Variants in GATAD2B observed in about 807,000 individuals in gnomAD.
GATAD2B encodes the protein GATA zinc finger domain containing 2B.
GATAD2B carries 8 observed loss-of-function variants against 64.3 expected under a neutral mutation model. That is an observed-to-expected ratio of 0.12 (90% CI 0.07 to 0.22). GATAD2B has a LOEUF of 0.22. GATAD2B is among the 10% of genes least tolerant of loss of function. The probability of loss-of-function intolerance (pLI) is 1.00; values close to 1 mark genes in which losing one functional copy is unlikely to be tolerated. For missense variants in GATAD2B, 453 were observed against 752.0 expected, an observed-to-expected ratio of 0.60 and a Z score of 4.65; for synonymous variants, 281 against 271.3, an observed-to-expected ratio of 1.04 and a Z score of -0.35.
chr1:153,847,796 A>G (rs958343570), intron 1 of GATAD2B, among the ~76,000 whole-genome samples: 9 of 151,728 alleles, frequency 5.9e-5, no homozygotes, highest in African/African-American at 2.2e-4. Flanking sequence ...TCTTTTTTTC[A>G]TATTTTCCAT....
chr1:153,917,049 A>AC (rs571648459), intron 1 of GATAD2B, among the ~76,000 whole-genome samples: 44 of 147,462 alleles, frequency 3.0e-4, no homozygotes, highest in South Asian at 2.8e-3. Flanking sequence ...CTCGTGATCT[A>AC]CCCCCCTCGG....
At chr1:153,915,741 TA>T (rs56236211) in intron 1 of GATAD2B, among the ~76,000 whole-genome samples, 45,045 of 98,462 alleles carry the variant, frequency 0.46, 7,688 homozygotes, top group East Asian at 0.71. Context: ...CTTGTCTATA[TA>T]AAAAAAAAAA....
intron 10 of GATAD2B, among the ~76,000 whole-genome samples, chr1:153,811,193 G>A (rs745416165): frequency 6.6e-6 from 1 of 152,162 alleles, no homozygotes; most frequent in African/African-American, 2.4e-5. Context: ...GAGCCACCGC[G>A]CCCTGCACAG....
At chr1:153,880,652 T>C (rs1334515309) in intron 1 of GATAD2B, among the ~76,000 whole-genome samples, 2 of 151,732 alleles carry the variant, frequency 1.3e-5, no homozygotes, top group Admixed American at 1.3e-4. Context: ...CCCACCAGCC[T>C]GGACAACACA....
intron 2 of GATAD2B, among the ~76,000 whole-genome samples, chr1:153,827,245 CAAAAA>C (rs545259062): frequency 2.0e-5 from 1 of 49,360 alleles, no homozygotes; most frequent in Non-Finnish European, 4.0e-5. Flanking sequence ...GACCTTGCCT[CAAAAA>C]AAAAAAAAAA....
At chr1:153,876,323 T>C (rs541504191) in intron 1 of GATAD2B, among the ~76,000 whole-genome samples, 2 of 149,142 alleles carry the variant, frequency 1.3e-5, no homozygotes, top group South Asian at 4.3e-4. Flanking sequence ...CCTGAGTCAA[T>C]GTCCTTAACC....
At chr1:153,878,416 G>A (rs1255905342) in intron 1 of GATAD2B, among the ~76,000 whole-genome samples, 2 of 152,024 alleles carry the variant, frequency 1.3e-5, no homozygotes, top group Admixed American at 6.6e-5. Flanking sequence ...GTGAGCCACT[G>A]TGACCAGCTC....
chr1:153,820,106 A>T (rs1674626522), intron 2 of GATAD2B, among the ~76,000 whole-genome samples: 1 of 136,736 alleles, frequency 7.3e-6, no homozygotes. Context: ...CTCAAAAAAA[A>T]AAAAAAAAAA....
At position 153,840,981 on chromosome 1, in the gene GATAD2B, C is replaced by T. The variant is rs186164656; in HGVS notation, c.-1-12633G>A. 5.3e-3 allele frequency among the ~76,000 whole-genome samples: 812 copies of T among 151,822 alleles called. 30 individuals are homozygous for T. The highest frequency in any genetic ancestry group is 0.05 in the Admixed American group (767 of 15,234). ...TCTACTAAAAATAGAAAAAGTTAGC[C>T]GGGCGTGGTGGCATGTGCCTGTAGT... On this transcript the variant is annotated intron_variant, in intron 1 of 10. Coordinates refer to ENST00000368655, the MANE Select transcript of GATAD2B (RefSeq NM_020699.4).
chr1:153,822,685 G>C (rs768435502), intron 2 of GATAD2B, among the ~76,000 whole-genome samples: 3 of 152,126 alleles, frequency 2.0e-5, no homozygotes, highest in Admixed American at 6.5e-5. Context: ...TGTATTTAGA[G>C]ACGGGGTTTC....
At chr1:153,812,190 C>CTTTTT (rs11264420) in intron 8 of GATAD2B, 58 bp from the exon 9 acceptor site, 3 of 611,474 alleles carry the variant, frequency 4.9e-6, no homozygotes, top group Admixed American at 3.0e-5. Context: ...ACCCAATTTC[C>CTTTTT]TTTTTTTTTT....
intron 1 of GATAD2B, among the ~76,000 whole-genome samples, chr1:153,838,896 G>A (rs1007028511): frequency 6.6e-6 from 1 of 152,038 alleles, no homozygotes; most frequent in Non-Finnish European, 1.5e-5. Context: ...GATCATTTGA[G>A]GCTGGGAGTT....
At chr1:153,832,141 G>C (rs1183229013) in intron 1 of GATAD2B, among the ~76,000 whole-genome samples, 1 of 152,098 alleles carries the variant, frequency 6.6e-6, no homozygotes, top group Non-Finnish European at 1.5e-5. Context: ...CTTGAACCCG[G>C]GAGGCAGAGG....
At chr1:153,818,475 C>T (rs1250441287) in intron 4 of GATAD2B, among the ~76,000 whole-genome samples, 7 of 151,836 alleles carry the variant, frequency 4.6e-5, no homozygotes, top group African/African-American at 1.2e-4. Context: ...CCACCATGAC[C>T]GGCTAATTTT....
At chr1:153,833,759 A>T (rs535278755) in intron 1 of GATAD2B, among the ~76,000 whole-genome samples, 4 of 147,974 alleles carry the variant, frequency 2.7e-5, no homozygotes, top group Non-Finnish European at 4.5e-5. Context: ...GCAGTGAGCC[A>T]AGATCATGCC....
At chr1:153,857,424 C>T (rs1453348680) in intron 1 of GATAD2B, among the ~76,000 whole-genome samples, 3 of 151,952 alleles carry the variant, frequency 2.0e-5, no homozygotes, top group Admixed American at 6.6e-5. Context: ...CTAGCCTGGG[C>T]GACAGAGGGA....
chr1:153,813,138 G>T, intron 8 of GATAD2B, 112 bp downstream of exon 8: 1 of 753,560 alleles, frequency 1.3e-6, no homozygotes, highest in Non-Finnish European at 2.4e-6. Flanking sequence ...AGACAAAAAG[G>T]GAACCTGTGG....
At chr1:153,851,363 A>G (rs1483650134) in intron 1 of GATAD2B, among the ~76,000 whole-genome samples, 1 of 152,122 alleles carries the variant, frequency 6.6e-6, no homozygotes, top group Non-Finnish European at 1.5e-5. Flanking sequence ...GAACCTCCAT[A>G]CTGTTTTCCA....
At chr1:153,835,063 C>T (rs1297572816) in intron 1 of GATAD2B, among the ~76,000 whole-genome samples, 2 of 151,990 alleles carry the variant, frequency 1.3e-5, no homozygotes, top group African/African-American at 2.4e-5. Flanking sequence ...CAATGAGCTA[C>T]GATCATGCCA....
Sources: gnomAD v4.1 joint callset for allele counts (sites outside exome capture counted in the v4.1 genomes callset) on GRCh38, gnomAD v4.1.1 for gene constraint, MANE v1.5 for transcripts, NCBI Gene and HGNC (gene_info 2026-07-23, HGNC 2026-07-21) for gene names.